Variants in ZNF362 observed in about 807,000 individuals in gnomAD.
ZNF362 encodes the protein zinc finger protein 362.
Under a neutral mutation model 42.9 loss-of-function variants are expected in ZNF362, and 11 were observed. That is an observed-to-expected ratio of 0.26 (90% confidence interval 0.16 to 0.42). ZNF362 has a LOEUF of 0.42. ZNF362 is among the 20% of genes least tolerant of loss of function. The pLI, the probability that ZNF362 is intolerant of heterozygous loss-of-function variation, is 1.00. For missense variants in ZNF362, 362 were observed against 576.2 expected (o/e 0.63, Z 3.81); for synonymous variants, 255 against 257.3 (o/e 0.99, Z 0.09).
the ZNF362 span, among the ~76,000 whole-genome samples, chr1:33,219,533 A>C: frequency 6.6e-6 from 1 of 152,220 alleles, no homozygotes; most frequent in Non-Finnish European, 1.5e-5. Flanking sequence ...AGGGCCCAAC[A>C]GGAAGATATG....
chr1:33,276,737 T>G (rs1570395663), intron 4 of ZNF362, 143 bp downstream of exon 4: 2 of 1,059,832 alleles, frequency 1.9e-6, no homozygotes, highest in Non-Finnish European at 2.4e-6. Flanking sequence ...AAGCTTGGAG[T>G]GGCGGGGTTG....
the ZNF362 span, among the ~76,000 whole-genome samples, chr1:33,248,341 A>C: frequency 6.6e-6 from 1 of 152,134 alleles, no homozygotes; most frequent in Non-Finnish European, 1.5e-5. Flanking sequence ...TCCATCCCAT[A>C]ACCCCCAGCT....
chr1:33,279,338 A>G (rs1645973721), intron 4 of ZNF362, among the ~76,000 whole-genome samples: 1 of 152,172 alleles, frequency 6.6e-6, no homozygotes, highest in Non-Finnish European at 1.5e-5. Context: ...TTTAAATTTT[A>G]ATGGCTGTTG....
chr1:33,172,548 C>T, the ZNF362 span, among the ~76,000 whole-genome samples: 4 of 151,562 alleles, frequency 2.6e-5, no homozygotes, highest in East Asian at 1.9e-4. Flanking sequence ...CCCATCGGAG[C>T]GGGGGTGGGC....
intron 1 of ZNF362, among the ~76,000 whole-genome samples, chr1:33,259,670 A>G (rs1357532767): frequency 6.6e-6 from 1 of 152,250 alleles, no homozygotes; most frequent in African/African-American, 2.4e-5. Flanking sequence ...CTGGACAGAC[A>G]TGTGAGATAC....
At chr1:33,188,356 T>G in the ZNF362 span, among the ~76,000 whole-genome samples, 6 of 152,196 alleles carry the variant, frequency 3.9e-5, no homozygotes, top group Non-Finnish European at 1.5e-5. Context: ...CTGGTTGGTA[T>G]GGTAAATAGC....
the ZNF362 span, among the ~76,000 whole-genome samples, chr1:33,229,581 A>G: frequency 6.6e-6 from 1 of 151,786 alleles, no homozygotes; most frequent in Admixed American, 6.6e-5. Flanking sequence ...AGCTTTTTGT[A>G]TTTTTAGTGT....
chr1:33,252,927 G>A (rs572652686), upstream of ZNF362, among the ~76,000 whole-genome samples: 2 of 152,208 alleles, frequency 1.3e-5, no homozygotes, highest in Admixed American at 1.3e-4. Context: ...CAGTGGGCTT[G>A]CTGTCCATCC....
At chr1:33,169,542 C>T in the ZNF362 span, among the ~76,000 whole-genome samples, 35 of 152,186 alleles carry the variant, frequency 2.3e-4, no homozygotes, top group African/African-American at 8.0e-4. Context: ...TCTCACTCTC[C>T]CCATTGTGCC....
rs188137709 is a variant in ZNF362 at position 33,265,360 on chromosome 1, C to T, written c.-88-5127C>T. 2.8e-3 allele frequency among the ~76,000 whole-genome samples: 432 copies of T among 152,014 alleles called. 1 individual carries two copies. The highest frequency in any genetic ancestry group is 9.7e-3 in the African/African-American group (402 of 41,488). ...GGACAGTGAGGGGAAGGGGCAGGCT[C>T]CCAGCTCCCACTGACCTGGGCACAG... On this transcript the variant is annotated intron_variant, in intron 1 of 8. Coordinates refer to ENST00000539719, the MANE Select transcript of ZNF362 (RefSeq NM_152493.3).
At chr1:33,278,041 C>T (rs561267725) in intron 4 of ZNF362, among the ~76,000 whole-genome samples, 11 of 152,252 alleles carry the variant, frequency 7.2e-5, no homozygotes, top group East Asian at 1.9e-4. Flanking sequence ...AGGCCCCAGC[C>T]GCACTCTGTA....
intron 1 of ZNF362, among the ~76,000 whole-genome samples, chr1:33,257,305 C>G (rs2148055544): frequency 6.7e-6 from 1 of 149,840 alleles, no homozygotes; most frequent in East Asian, 2.0e-4. Context: ...AGACACAATG[C>G]AATTGCACTT....
At chr1:33,180,831 A>G in the ZNF362 span, among the ~76,000 whole-genome samples, 2 of 52,028 alleles carry the variant, frequency 3.8e-5, no homozygotes, top group Non-Finnish European at 8.7e-5. Flanking sequence ...CCCCGCCCCC[A>G]CGGCCCCGCC....
the ZNF362 span, among the ~76,000 whole-genome samples, chr1:33,224,894 C>A: frequency 6.6e-6 from 1 of 152,122 alleles, no homozygotes; most frequent in African/African-American, 2.4e-5. Flanking sequence ...AGAGAAAAAT[C>A]TTAAAAGAGG....
chr1:33,151,412 G>A, the ZNF362 span, among the ~76,000 whole-genome samples: 5 of 152,128 alleles, frequency 3.3e-5, no homozygotes, highest in Non-Finnish European at 7.4e-5. Flanking sequence ...CACCTCCAAG[G>A]CCTTGCACGA....
the ZNF362 span, among the ~76,000 whole-genome samples, chr1:33,178,680 A>AC: frequency 1.3e-5 from 2 of 152,350 alleles, no homozygotes; most frequent in Non-Finnish European, 2.9e-5. Flanking sequence ...ATCAGCGTTT[A>AC]CATGAAGTGA....
At chr1:33,159,505 C>A in the ZNF362 span, among the ~76,000 whole-genome samples, 1 of 152,290 alleles carries the variant, frequency 6.6e-6, no homozygotes, top group South Asian at 2.1e-4. The surrounding 1 kb of genome is among the most constrained non-coding windows in gnomAD (Gnocchi z 4.2). Context: ...CTAGTTCAAG[C>A]CTCACTGGCT....
chr1:33,275,215 G>A (rs551057838), intron 2 of ZNF362: 38 of 985,412 alleles, frequency 3.9e-5, no homozygotes, highest in South Asian at 3.8e-4. Flanking sequence ...TTACTCTAGG[G>A]TAGCAGGAAG....
chr1:33,229,293 C>A, the ZNF362 span, among the ~76,000 whole-genome samples: 1 of 152,074 alleles, frequency 6.6e-6, no homozygotes, highest in Admixed American at 6.5e-5. Flanking sequence ...GCTCCTGGAA[C>A]AGTGCCTAGA....
Sources: allele counts gnomAD v4.1 joint callset (sites outside exome capture counted in the v4.1 genomes callset), GRCh38; gene constraint gnomAD v4.1.1; non-coding constraint Gnocchi (gnomAD v3.1); transcripts MANE v1.5; gene names NCBI Gene and HGNC (gene_info 2026-07-23, HGNC 2026-07-21).